TTC7B: variants seen among roughly 807,000 people sequenced by gnomAD.
TTC7B encodes tetratricopeptide repeat domain 7B.
A neutral mutation model predicts 106.8 loss-of-function variants in TTC7B; 28 were observed. The ratio of observed to expected loss-of-function variants is 0.26; its 90% confidence interval spans 0.19 to 0.36. The LOEUF (loss-of-function observed/expected upper bound fraction) is 0.36. Among genes scored for constraint, TTC7B ranks in the 10% least tolerant of loss-of-function variants. The pLI is 1.00. For synonymous variants in TTC7B, 405 were observed against 430.6 expected, an observed-to-expected ratio of 0.94 and a Z score of 0.74; for missense variants, 862 against 1,076.4, an observed-to-expected ratio of 0.80 and a Z score of 2.79.
chr14:90,796,811 T>C (rs1291149074), intron 1 of TTC7B, among the ~76,000 whole-genome samples: 1 of 151,994 alleles, frequency 6.6e-6, no homozygotes, highest in African/African-American at 2.4e-5. Context: ...GTCCCCTTTG[T>C]TGCCCCAAAA....
rs1304302670 is a variant in TTC7B, at chr14:90,525,154, CTAGAT to C, written c.*16209_*16213del. 1 of 151,864 alleles carries C rather than the reference CTAGAT, an allele frequency of 6.6e-6. No homozygotes were observed. The highest frequency in any genetic ancestry group is 2.4e-5 in the African/African-American group (1 of 41,324). The allele number at this position is 151,864 out of a possible 1,614,324, so 9.4% of individuals were successfully genotyped here. The stretch of plus-strand genomic sequence containing the variant: ...AATCACGGGTCTGCTTTCCCTCACT[CTAGAT>C]TAGTCCACATTTTCTAGAGTTTTCT... On this transcript the variant is annotated 3_prime_UTR_variant, in exon 20 of 20. Transcript: ENST00000328459.
At chr14:90,582,463 C>T (rs2139810263) in intron 18 of TTC7B, among the ~76,000 whole-genome samples, 1 of 152,358 alleles carries the variant, frequency 6.6e-6, no homozygotes, top group South Asian at 2.1e-4. Flanking sequence ...CAAGGCCGTG[C>T]CAAGGGATCA....
intron 19 of TTC7B, among the ~76,000 whole-genome samples, chr14:90,563,307 G>A (rs552856188): frequency 1.2e-4 from 18 of 152,286 alleles, no homozygotes; most frequent in African/African-American, 4.3e-4. Flanking sequence ...TCAATCAAAT[G>A]TCACAATCGA....
At position 90,759,954 on chromosome 14, in the gene TTC7B, C is replaced by G. The variant is rs1890444641; in HGVS notation, c.446-15032G>C. Among the ~76,000 whole-genome samples, 1 of 152,180 alleles carries G rather than the reference C, an allele frequency of 6.6e-6. No homozygotes were observed. The highest frequency in any genetic ancestry group is 1.5e-5 in the Non-Finnish European group (1 of 68,032). ...TATGACACAGCCTCAACACCCAACCCAGAATAAGCACTCACATATTTGCTG... is the reference window on the plus strand; with the variant it reads ...TATGACACAGCCTCAACACCCAACCGAGAATAAGCACTCACATATTTGCTG... On this transcript the variant is annotated intron_variant, in intron 3 of 19. Transcript: ENST00000328459. This position sits in a 1 kb window ranked among gnomAD's most constrained non-coding sequence, Gnocchi z 4.1.
At chr14:90,785,293 A>G (rs890879545) in intron 2 of TTC7B, among the ~76,000 whole-genome samples, 5 of 152,328 alleles carry the variant, frequency 3.3e-5, no homozygotes, top group African/African-American at 1.2e-4. Flanking sequence ...GGAGTCTCAG[A>G]GGATTCCGAG....
At chr14:90,552,509 C>T (rs1276550391) in intron 19 of TTC7B, among the ~76,000 whole-genome samples, 1 of 152,326 alleles carries the variant, frequency 6.6e-6, no homozygotes, top group East Asian at 1.9e-4. Context: ...GCTGCTGTCA[C>T]CAGGTGGCCT....
Position 90,786,343 on chromosome 14 carries a change from T to G in TTC7B, c.122-15A>C. ...TGCCATGTCATCTACAAAAACAAAG[T>G]GAGAACAAAGTGGGAGCAAGGAATG... is the stretch of plus-strand genomic sequence containing the variant. On this transcript the variant is annotated splice_polypyrimidine_tract_variant and intron_variant, in intron 1 of 19. Coordinates refer to ENST00000328459, the MANE Select transcript of TTC7B (RefSeq NM_001010854.2). 1.2e-6 allele frequency: 2 copies of G among 1,612,132 alleles called. No individual in the cohort carries two copies. The highest frequency in any genetic ancestry group is 1.7e-6 in the Non-Finnish European group (2 of 1,179,586).
chr14:90,669,984 T>G (rs1051919381), intron 9 of TTC7B, among the ~76,000 whole-genome samples: 6 of 152,216 alleles, frequency 3.9e-5, no homozygotes, highest in African/African-American at 1.2e-4. Context: ...TGTCTTTATG[T>G]GCAAGTGTTG....
chr14:90,671,139 G>A (rs1886617067), intron 9 of TTC7B, among the ~76,000 whole-genome samples: 1 of 152,138 alleles, frequency 6.6e-6, no homozygotes, highest in Non-Finnish European at 1.5e-5. Flanking sequence ...TACAGTACAA[G>A]CAGGACTGCA....
intron 18 of TTC7B, among the ~76,000 whole-genome samples, chr14:90,588,760 C>G (rs983315330): frequency 6.6e-6 from 1 of 152,022 alleles, no homozygotes; most frequent in South Asian, 2.1e-4. Context: ...TGGAACATAC[C>G]TGGAACTTTT....
In TTC7B at chr14:90,657,311, A is replaced by C; in HGVS notation, c.1237-33T>G. Reference sequence around the variant, plus strand: ...AGAGAAGATTATTTCCGTGAAACTCAAAGTGTTTGACAGAACCGAATACTA... The same window carrying C: ...AGAGAAGATTATTTCCGTGAAACTCCAAGTGTTTGACAGAACCGAATACTA... On this transcript the variant is annotated intron_variant, in intron 10 of 19. Coordinates refer to ENST00000328459, the MANE Select transcript of TTC7B (RefSeq NM_001010854.2). The surrounding 1 kb of genome is among the most constrained non-coding windows in gnomAD (Gnocchi z 4.2). 3 of 1,603,878 alleles carry C rather than the reference A, an allele frequency of 1.9e-6. No homozygotes were observed. The highest frequency in any genetic ancestry group is 2.6e-6 in the Non-Finnish European group (3 of 1,174,416).
rs763676466 is a variant in TTC7B, at chr14:90,578,345, G to A, written c.2108-37C>T. ...CAGCAACGGCACATGCTTTCCTGGT[G>A]CCCCTCTGAGGCCCTGCGAGCAGCC... is the stretch of plus-strand genomic sequence containing the variant. On this transcript the variant is annotated intron_variant, in intron 18 of 19. Transcript: ENST00000328459. The surrounding 1 kb of genome is among the most constrained non-coding windows in gnomAD (Gnocchi z 4.7). The A allele has an allele frequency of 6.3e-7, 1 of 1,598,016 alleles. No homozygotes were observed. The highest frequency in any genetic ancestry group is 8.5e-7 in the Non-Finnish European group (1 of 1,171,222).
intron 3 of TTC7B, among the ~76,000 whole-genome samples, chr14:90,771,215 A>G (rs530539749): frequency 1.1e-4 from 16 of 152,208 alleles, no homozygotes; most frequent in Non-Finnish European, 2.1e-4. Context: ...TTTTACCAAA[A>G]TAAAATAAAC....
chr14:90,696,115 C>A (rs755907499), intron 5 of TTC7B, among the ~76,000 whole-genome samples: 5 of 152,158 alleles, frequency 3.3e-5, no homozygotes, highest in African/African-American at 4.8e-5. Context: ...AAACCCCACA[C>A]TGACGAAAAA....
intron 15 of TTC7B, among the ~76,000 whole-genome samples, chr14:90,637,990 TC>T (rs1885014916): frequency 6.6e-6 from 1 of 151,772 alleles, no homozygotes; most frequent in Non-Finnish European, 1.5e-5. Flanking sequence ...CAACTGATCC[TC>T]CCACGTCAGC....
At chr14:90,554,170 T>C (rs1253889687) in intron 19 of TTC7B, among the ~76,000 whole-genome samples, 1 of 152,224 alleles carries the variant, frequency 6.6e-6, no homozygotes, top group African/African-American at 2.4e-5. Flanking sequence ...GAACCGTTGC[T>C]GGCAATCGGT....
chr14:90,702,444 A>C (rs1299783443), intron 5 of TTC7B, among the ~76,000 whole-genome samples: 1 of 152,224 alleles, frequency 6.6e-6, no homozygotes, highest in Non-Finnish European at 1.5e-5. Context: ...TTGTTGTAAG[A>C]ATTAAACTAG....
chr14:90,642,431 G>C (rs1885221371), intron 15 of TTC7B, among the ~76,000 whole-genome samples: 1 of 152,200 alleles, frequency 6.6e-6, no homozygotes, highest in South Asian at 2.1e-4. Context: ...CCCACTTAAA[G>C]TTTGTGGCTG....
At chr14:90,671,328 T>G (rs1365674760) in intron 9 of TTC7B, among the ~76,000 whole-genome samples, 1 of 152,224 alleles carries the variant, frequency 6.6e-6, no homozygotes, top group Non-Finnish European at 1.5e-5. Flanking sequence ...TGTTGAGATT[T>G]ACCACAAACA....
Sources: gnomAD v4.1 joint callset for allele counts (sites outside exome capture counted in the v4.1 genomes callset) on GRCh38, gnomAD v4.1.1 for gene constraint, Gnocchi (gnomAD v3.1) non-coding constraint, MANE v1.5 for transcripts, NCBI Gene and HGNC (gene_info 2026-07-23, HGNC 2026-07-21) for gene names.